The following TNFAIP8 variants were observed in gnomAD, a reference collection of about 807,000 sequenced individuals.
TNFAIP8 encodes tumor necrosis factor alpha-induced protein 8.
A neutral mutation model predicts 13.3 loss-of-function variants in TNFAIP8; 7 were observed. The observed-to-expected ratio is 0.52, with a 90% CI of 0.30 to 0.99. TNFAIP8 has a LOEUF of 0.99. TNFAIP8 is among the 50% of genes least tolerant of loss of function. The pLI, the probability that TNFAIP8 is intolerant of heterozygous loss-of-function variation, is 0.07. For missense variants in TNFAIP8, 258 were observed against 236.9 expected (o/e 1.09, Z -0.58); for synonymous variants, 94 against 87.6 (o/e 1.07, Z -0.41).
chr5:119,325,167 A>G (rs933021648), intron 1 of TNFAIP8, among the ~76,000 whole-genome samples: 2 of 152,190 alleles, frequency 1.3e-5, no homozygotes, highest in African/African-American at 4.8e-5. Flanking sequence ...GTTAGGCTCT[A>G]AAAGTTTTCA....
intron 1 of TNFAIP8, among the ~76,000 whole-genome samples, chr5:119,378,608 T>C (rs575584222): frequency 6.6e-6 from 1 of 152,306 alleles, no homozygotes; most frequent in Admixed American, 6.5e-5. Flanking sequence ...GTTTGGGATC[T>C]TTGCATGGAA....
At chr5:119,374,126 A>T (rs1752190792) in intron 1 of TNFAIP8, among the ~76,000 whole-genome samples, 1 of 152,230 alleles carries the variant, frequency 6.6e-6, no homozygotes, top group Non-Finnish European at 1.5e-5. Flanking sequence ...ACCATAAGTT[A>T]AAGTAAAATA....
At chr5:119,289,717 A>G (rs940211996) in intron 1 of TNFAIP8, among the ~76,000 whole-genome samples, 1 of 152,034 alleles carries the variant, frequency 6.6e-6, no homozygotes, top group Admixed American at 6.6e-5. Flanking sequence ...CCCATTTACC[A>G]CCTCTGACAC....
intron 1 of TNFAIP8, among the ~76,000 whole-genome samples, chr5:119,320,470 G>T (rs947103775): frequency 6.6e-6 from 1 of 152,060 alleles, no homozygotes; most frequent in Non-Finnish European, 1.5e-5. Context: ...GCCCATTCTG[G>T]CAGAACTGCT....
At chr5:119,355,179 A>T (rs1581636495), upstream of TNFAIP8, 4 of 654,142 alleles carry the variant, frequency 6.1e-6, no homozygotes, top group African/African-American at 7.2e-5. Context: ...TTATTCTATC[A>T]GCATTTCAAA....
chr5:119,371,318 C>G (rs1170564460), intron 1 of TNFAIP8, among the ~76,000 whole-genome samples: 2 of 152,134 alleles, frequency 1.3e-5, no homozygotes, highest in East Asian at 3.8e-4. Flanking sequence ...AACTGTACAG[C>G]TGACAGCTTA....
chr5:119,389,732 A>G (rs1298747330), intron 1 of TNFAIP8, among the ~76,000 whole-genome samples: 3 of 152,184 alleles, frequency 2.0e-5, no homozygotes, highest in Non-Finnish European at 4.4e-5. Context: ...AGGAGCTTCA[A>G]CCTCATTTAA....
intron 1 of TNFAIP8, among the ~76,000 whole-genome samples, chr5:119,315,213 G>T (rs1017746395): frequency 6.6e-6 from 1 of 152,210 alleles, no homozygotes; most frequent in African/African-American, 2.4e-5. Context: ...CTCCTGAGTA[G>T]CTGGGACTAC....
chr5:119,303,213 C>G (rs2112656095), intron 1 of TNFAIP8, among the ~76,000 whole-genome samples: 1 of 152,252 alleles, frequency 6.6e-6, no homozygotes, highest in East Asian at 1.9e-4. Flanking sequence ...TTTCCATTAC[C>G]CATGCCAGTG....
At chr5:119,315,895 A>G (rs766061728) in intron 1 of TNFAIP8, among the ~76,000 whole-genome samples, 5 of 152,086 alleles carry the variant, frequency 3.3e-5, no homozygotes, top group Non-Finnish European at 5.9e-5. Flanking sequence ...TGAACTTGGC[A>G]TTTCTCTGAG....
chr5:119,344,722 AAAG>A (rs1204851724), intron 1 of TNFAIP8, among the ~76,000 whole-genome samples: 5 of 152,238 alleles, frequency 3.3e-5, no homozygotes, highest in Non-Finnish European at 7.3e-5. Flanking sequence ...GGAGAGAAAA[AAAG>A]GCCAATCCAG....
At chr5:119,375,823 C>CT (rs1381403054) in intron 1 of TNFAIP8, among the ~76,000 whole-genome samples, 20 of 152,096 alleles carry the variant, frequency 1.3e-4, no homozygotes, top group African/African-American at 4.6e-4. Flanking sequence ...TAATCTTCAG[C>CT]TTTTTTTCTT....
chr5:119,368,430 C>CATGT lies in TNFAIP8; in HGVS notation c.31+12309_31+12310insATGT, dbSNP rs1554181797. 4.5e-5 allele frequency among the ~76,000 whole-genome samples: 6 copies of CATGT among 133,088 alleles called. No homozygotes were observed. The South Asian group carries it at 1.4e-3, about 32-fold the overall frequency. The allele number at this position is 133,088 out of a possible 152,430, so 87.3% of individuals were successfully genotyped here. On this transcript the variant is annotated intron_variant, in intron 1 of 1. Coordinates refer to ENST00000504771, the MANE Select transcript of TNFAIP8 (RefSeq NM_014350.4). ...TCTTTCACTTACCTATTCTAAGCAG[C>CATGT]GTGTGTGTGTGTGTGTGTGTGTGTG... is the stretch of plus-strand genomic sequence containing the variant.
intron 1 of TNFAIP8, among the ~76,000 whole-genome samples, chr5:119,270,678 C>G (rs1440120405): frequency 1.3e-5 from 2 of 152,194 alleles, no homozygotes; most frequent in African/African-American, 4.8e-5. Flanking sequence ...TACTTGTAAT[C>G]TGAGTAAATA....
intron 1 of TNFAIP8, among the ~76,000 whole-genome samples, chr5:119,300,357 T>C (rs1749347486): frequency 6.6e-6 from 1 of 152,242 alleles, no homozygotes; most frequent in Admixed American, 6.5e-5. Flanking sequence ...TTAAGTGTGG[T>C]ACATTTTAGA....
chr5:119,368,470 T>TGTGTGTGTG (rs1554181809), intron 1 of TNFAIP8, among the ~76,000 whole-genome samples: 1 of 150,124 alleles, frequency 6.7e-6, no homozygotes, highest in Non-Finnish European at 1.5e-5. Flanking sequence ...CGTGTGTGTG[T>TGTGTGTGTG]TTGTGTTGGG....
chr5:119,343,621 G>A (rs896116672), intron 1 of TNFAIP8, among the ~76,000 whole-genome samples: 1 of 152,160 alleles, frequency 6.6e-6, no homozygotes, highest in African/African-American at 2.4e-5. Context: ...GCTCTAGAAA[G>A]GAGAACAAAC....
chr5:119,329,752 T>G (rs1750319240), intron 1 of TNFAIP8, among the ~76,000 whole-genome samples: 2 of 151,744 alleles, frequency 1.3e-5, no homozygotes. Flanking sequence ...GAGAGCACCA[T>G]GCACACTGTG....
At chr5:119,306,920 C>T (rs1022264986) in intron 1 of TNFAIP8, among the ~76,000 whole-genome samples, 6 of 152,182 alleles carry the variant, frequency 3.9e-5, no homozygotes, top group African/African-American at 1.4e-4. Context: ...CCAGAAATTT[C>T]CTATGCATAT....
Sources: allele counts gnomAD v4.1 joint callset (sites outside exome capture counted in the v4.1 genomes callset), GRCh38; gene constraint gnomAD v4.1.1; transcripts MANE v1.5; gene names NCBI Gene and HGNC (gene_info 2026-07-23, HGNC 2026-07-21).